CBFA2T2: variants seen among roughly 807,000 people sequenced by gnomAD.
CBFA2T2 encodes protein CBFA2T2.
Under a neutral mutation model 62.2 loss-of-function variants are expected in CBFA2T2, and 11 were observed. That is an observed-to-expected ratio of 0.18 (90% CI 0.11 to 0.29). The LOEUF (loss-of-function observed/expected upper bound fraction) is 0.29. Among genes scored for constraint, CBFA2T2 ranks in the 10% least tolerant of loss-of-function variants. The pLI, the probability that CBFA2T2 is intolerant of heterozygous loss-of-function variation, is 1.00. For missense variants in CBFA2T2, 592 were observed against 774.1 expected, an observed-to-expected ratio of 0.76 and a Z score of 2.79; for synonymous variants, 295 against 287.5, an observed-to-expected ratio of 1.03 and a Z score of -0.27.
At position 33,640,488 on chromosome 20, in the gene CBFA2T2, A is replaced by T. The variant is rs769952756; in HGVS notation, c.1445A>T (p.Glu482Val). 16 of 1,614,258 alleles carry T rather than the reference A, an allele frequency of 9.9e-6. No individual in the cohort carries two copies. The highest frequency in any genetic ancestry group is 1.4e-5 in the Non-Finnish European group (16 of 1,180,050). Reference sequence around the variant, plus strand: ...GCGGATGTCAAGCGGCAGGCCGCAGAGGATGCTTTCCTCGTCATCAATGAG... The same window carrying T: ...GCGGATGTCAAGCGGCAGGCCGCAGTGGATGCTTTCCTCGTCATCAATGAG... ...TIADVKRQAA[E>V]DAFLVINEQE... is the part of the protein sequence containing the mutation. Residue 482 changes from glutamate (E) to valine (V), a missense_variant, in exon 10 of 11, where the codon GAG (glutamate) becomes GTG (valine). Physicochemically the swap from Glu to Val is moderately radical, Grantham distance 121. Coordinates refer to ENST00000342704, the MANE Select transcript of CBFA2T2 (RefSeq NM_001032999.3).
rs74936319 is a variant in CBFA2T2, at chr20:33,627,438, A to G, written c.947-912A>G. ...GGCTTGCTTTGATTGGAAATAGCAC[A>G]GTGGGGGAAAAAACTGGCTTGCTAA... On this transcript the variant is annotated intron_variant, in intron 6 of 10. Coordinates refer to ENST00000342704, the MANE Select transcript of CBFA2T2 (RefSeq NM_001032999.3). Among the ~76,000 whole-genome samples, 654 of 152,046 alleles carry G rather than the reference A, an allele frequency of 4.3e-3. 4 individuals carry two copies. The highest frequency in any genetic ancestry group is 0.015 in the African/African-American group (602 of 41,446).
intron 1 of CBFA2T2, among the ~76,000 whole-genome samples, chr20:33,575,007 C>T (rs2013756188): frequency 6.6e-6 from 1 of 152,184 alleles, no homozygotes; most frequent in South Asian, 2.1e-4. Flanking sequence ...TTGTATTAAA[C>T]ATTTGGAGTG....
chr20:33,512,675 G>T (rs1568793183), intron 1 of CBFA2T2, among the ~76,000 whole-genome samples: 1 of 151,060 alleles, frequency 6.6e-6, no homozygotes, highest in African/African-American at 2.4e-5. Context: ...TATTCTGATT[G>T]TTTCTAGTTT....
At chr20:33,568,848 A>G (rs1369632027) in intron 1 of CBFA2T2, among the ~76,000 whole-genome samples, 2 of 152,100 alleles carry the variant, frequency 1.3e-5, no homozygotes, top group East Asian at 3.8e-4. Flanking sequence ...CTCAAACTAT[A>G]ATACCCTGAA....
chr20:33,644,151 C>T (rs1481001186), intron 10 of CBFA2T2, among the ~76,000 whole-genome samples, 196 bp from the exon 11 acceptor site: 1 of 152,008 alleles, frequency 6.6e-6, no homozygotes, highest in African/African-American at 2.4e-5. Flanking sequence ...TCTTGTTTTA[C>T]AGATGAAGGA....
Position 33,528,458 on chromosome 20 carries a change from A to G in CBFA2T2, c.34+38157A>G, listed in dbSNP as rs149899260. ...AGAGCAGATCATGACCGAAATCCAGACCTTTTCACTGGCTTGATTGTTTGG... is the reference window on the plus strand; with the variant it reads ...AGAGCAGATCATGACCGAAATCCAGGCCTTTTCACTGGCTTGATTGTTTGG... On this transcript the variant is annotated intron_variant, in intron 1 of 10. Transcript: ENST00000342704. Among the ~76,000 whole-genome samples the G allele has an allele frequency of 6.0e-3, 912 of 152,212 alleles. 8 individuals are homozygous for G. The highest frequency in any genetic ancestry group is 0.021 in the African/African-American group (876 of 41,506).
chr20:33,637,420 CAAAT>C (rs1015970974), intron 9 of CBFA2T2, among the ~76,000 whole-genome samples: 1 of 152,040 alleles, frequency 6.6e-6, no homozygotes, highest in Non-Finnish European at 1.5e-5. Context: ...CAGTAGTAAA[CAAAT>C]AAAAGATATG....
chr20:33,490,993 G>C (rs2011142648), intron 1 of CBFA2T2, among the ~76,000 whole-genome samples: 1 of 152,186 alleles, frequency 6.6e-6, no homozygotes, highest in Non-Finnish European at 1.5e-5. Context: ...TTAGGCTCTA[G>C]CCGTGTTAAG....
chr20:33,494,573 G>A (rs1017783591), intron 1 of CBFA2T2, among the ~76,000 whole-genome samples: 3 of 150,584 alleles, frequency 2.0e-5, no homozygotes, highest in Non-Finnish European at 3.0e-5. Context: ...GAGCCACCGC[G>A]CCCGGCCACT....
chr20:33,622,682 C>G (rs1226354172), intron 4 of CBFA2T2, among the ~76,000 whole-genome samples: 1 of 152,088 alleles, frequency 6.6e-6, no homozygotes, highest in Non-Finnish European at 1.5e-5. Context: ...TTATACAGAG[C>G]TGGAAGGAAG....
In CBFA2T2 at chr20:33,624,872, C is replaced by G. The variant is rs771053973; in HGVS notation, c.801C>G (p.Pro267=). The change falls in exon 6 of 11, where the codon CCC becomes CCG. Residue 267 remains proline (P), a synonymous_variant. Transcript: ENST00000342704. ...GGCACAGTCCTGCTCTCACTGTGCC[C>G]CTCATGAATCCCGGGGGCCAATTCC... ...APRHSPALTV[P]LMNPGGQFHP... 1 of 1,614,136 alleles carries G rather than the reference C, an allele frequency of 6.2e-7. No homozygotes were observed. Among genetic ancestry groups the G allele is most frequent in the South Asian group, 1.1e-5 (1 of 91,084 alleles).
intron 1 of CBFA2T2, among the ~76,000 whole-genome samples, chr20:33,540,059 T>G (rs908799495): frequency 1.3e-5 from 2 of 152,182 alleles, no homozygotes; most frequent in Non-Finnish European, 2.9e-5. Context: ...TGTTTTTGTT[T>G]GATTAAAAGT....
intron 1 of CBFA2T2, among the ~76,000 whole-genome samples, chr20:33,506,307 A>G (rs6141959): frequency 0.99 from 150,196 of 152,220 alleles, 74,131 homozygotes; most frequent in East Asian, 1. Context: ...ATTTAATACA[A>G]GAGCTGAATA....
At chr20:33,529,355 TCA>T (rs902430419) in intron 1 of CBFA2T2, among the ~76,000 whole-genome samples, 22 of 152,256 alleles carry the variant, frequency 1.4e-4, no homozygotes, top group African/African-American at 5.1e-4. Flanking sequence ...CGACATTTTC[TCA>T]CAGATTCATG....
chr20:33,600,545 T>G (rs1044284270), intron 1 of CBFA2T2: 1 of 348,896 alleles, frequency 2.9e-6, no homozygotes, highest in East Asian at 1.3e-4. Flanking sequence ...TGCTTGGCAG[T>G]GATTGAAGAG....
At chr20:33,496,329 G>C (rs906704114) in intron 1 of CBFA2T2, among the ~76,000 whole-genome samples, 1 of 152,228 alleles carries the variant, frequency 6.6e-6, no homozygotes, top group Middle Eastern at 3.2e-3. Context: ...GCAGGGGCCA[G>C]ATGGCAAAGA....
intron 9 of CBFA2T2, 143 bp from the exon 10 acceptor site, chr20:33,640,198 C>A (rs1881487007): frequency 2.6e-6 from 2 of 782,194 alleles, no homozygotes; most frequent in African/African-American, 3.5e-5. Flanking sequence ...TGGATGGACA[C>A]ATGAGTGTGA....
intron 1 of CBFA2T2, among the ~76,000 whole-genome samples, chr20:33,516,455 G>A (rs1265560338): frequency 2.0e-5 from 3 of 152,202 alleles, no homozygotes; most frequent in Non-Finnish European, 4.4e-5. Flanking sequence ...GAGCAACAGA[G>A]TGAGACTCCA....
At position 33,611,356 on chromosome 20, in the gene CBFA2T2, G is replaced by A. The variant is rs117321456; in HGVS notation, c.420+21G>A. On this transcript the variant is annotated intron_variant, in intron 3 of 10. Transcript: ENST00000342704. ...TGGTGGTAAGTACAGCCTCACTGTT[G>A]TTCTCAGCTGCCTGAGTATGTGGCT... The A allele has an allele frequency of 4.0e-3, 6,356 of 1,609,054 alleles. 23 individuals carry two copies. Among genetic ancestry groups the A allele is most frequent in the Non-Finnish European group, 5.2e-3 (6,077 of 1,175,874 alleles).
Sources: allele counts gnomAD v4.1 joint callset (sites outside exome capture counted in the v4.1 genomes callset), GRCh38; gene constraint gnomAD v4.1.1; transcripts MANE v1.5; gene names NCBI Gene and HGNC (gene_info 2026-07-23, HGNC 2026-07-21).